Variants in NKAIN3 observed in about 807,000 individuals in gnomAD.
The protein encoded by NKAIN3 is sodium/potassium transporting ATPase interacting 3.
In NKAIN3, 25 loss-of-function variants were observed where a neutral mutation model predicts 30.2. That is an observed-to-expected ratio of 0.83 (90% CI 0.60 to 1.16). The LOEUF (loss-of-function observed/expected upper bound fraction) is 1.16, where lower values mean the gene tolerates loss of function less well. Among genes scored for constraint, NKAIN3 ranks in the 50% most tolerant of loss-of-function variants. The pLI is 0.00. For synonymous variants in NKAIN3, 91 were observed against 89.6 expected (o/e 1.02, Z -0.09); for missense variants, 225 against 254.1 (o/e 0.89, Z 0.78).
chr8:62,364,848 A>AAAAAAAAAAAAAC, intron 1 of NKAIN3, among the ~76,000 whole-genome samples: 1 of 151,198 alleles, frequency 6.6e-6, no homozygotes, highest in African/African-American at 2.4e-5. Context: ...AAAAAAAAAA[A>AAAAAAAAAAAAAC]AAATCATCTA....
At chr8:62,405,614 G>A (rs189399527) in intron 1 of NKAIN3, among the ~76,000 whole-genome samples, 17 of 152,148 alleles carry the variant, frequency 1.1e-4, no homozygotes, top group Non-Finnish European at 1.5e-4. Context: ...TTCTCCATGC[G>A]GCAGTGCTGC....
At chr8:62,256,176 A>G (rs4738948) in intron 1 of NKAIN3, among the ~76,000 whole-genome samples, 100,988 of 151,820 alleles carry the variant, frequency 0.67, 33,839 homozygotes, top group African/African-American at 0.74. Flanking sequence ...ACTGTGGGAG[A>G]CTGAGGGGGG....
intron 3 of NKAIN3, among the ~76,000 whole-genome samples, chr8:62,727,049 T>TA (rs899550091): frequency 1.3e-5 from 2 of 152,056 alleles, no homozygotes; most frequent in African/African-American, 4.8e-5. Context: ...GATTTAGTGT[T>TA]AAAAAATCAA....
chr8:62,827,393 A>G (rs1402076823), intron 4 of NKAIN3, among the ~76,000 whole-genome samples: 3 of 152,226 alleles, frequency 2.0e-5, no homozygotes, highest in Admixed American at 2.0e-4. Context: ...GGTTAAACCG[A>G]GCAGTGTTAC....
chr8:62,580,488 T>C (rs150660944), intron 2 of NKAIN3, among the ~76,000 whole-genome samples: 1 of 152,296 alleles, frequency 6.6e-6, no homozygotes, highest in East Asian at 1.9e-4. Context: ...CAGTGTTCAG[T>C]AGAATTACTA....
intron 1 of NKAIN3, among the ~76,000 whole-genome samples, chr8:62,458,233 C>T (rs996111155): frequency 2.6e-5 from 4 of 152,132 alleles, no homozygotes; most frequent in Non-Finnish European, 5.9e-5. Flanking sequence ...TCATTGCTTA[C>T]TCCTAGAGCC....
intron 1 of NKAIN3, among the ~76,000 whole-genome samples, chr8:62,290,540 G>T (rs879179918): frequency 6.6e-6 from 1 of 152,206 alleles, no homozygotes; most frequent in South Asian, 2.1e-4. Flanking sequence ...GCTGGATTAC[G>T]TTTATTGATT....
chr8:62,446,548 T>G (rs532679054), intron 1 of NKAIN3, among the ~76,000 whole-genome samples: 206 of 152,180 alleles, frequency 1.4e-3, no homozygotes, highest in Middle Eastern at 3.4e-3. Context: ...TGTTCCATCA[T>G]TGTCTCTAAC....
At chr8:62,832,237 A>G (rs1819217749) in intron 4 of NKAIN3, among the ~76,000 whole-genome samples, 1 of 150,338 alleles carries the variant, frequency 6.7e-6, no homozygotes, top group Non-Finnish European at 1.5e-5. Flanking sequence ...ACAAAAGAAC[A>G]ATACCTGGTA....
chr8:62,882,781 T>G (rs1821025805), intron 4 of NKAIN3, among the ~76,000 whole-genome samples: 1 of 152,198 alleles, frequency 6.6e-6, no homozygotes, highest in Non-Finnish European at 1.5e-5. Context: ...GATGTCCTAT[T>G]TTTCCAGGAT....
At chr8:62,868,734 C>A (rs1199081472) in intron 4 of NKAIN3, among the ~76,000 whole-genome samples, 3 of 152,168 alleles carry the variant, frequency 2.0e-5, no homozygotes, top group African/African-American at 7.2e-5. Flanking sequence ...CGTTTATAAA[C>A]CCTGATAAGC....
intron 1 of NKAIN3, among the ~76,000 whole-genome samples, chr8:62,533,312 A>G (rs1476714963): frequency 6.6e-6 from 1 of 152,240 alleles, no homozygotes; most frequent in African/African-American, 2.4e-5. Flanking sequence ...AGCTATTAAC[A>G]GTCGATACCT....
intron 3 of NKAIN3, among the ~76,000 whole-genome samples, chr8:62,687,116 T>G (rs1329717669): frequency 3.3e-5 from 5 of 152,172 alleles, no homozygotes; most frequent in Non-Finnish European, 7.4e-5. Context: ...TTACATAAAT[T>G]TTCTAATTAT....
intron 3 of NKAIN3, among the ~76,000 whole-genome samples, chr8:62,612,454 A>G (rs1360508403): frequency 6.6e-6 from 1 of 151,028 alleles, no homozygotes; most frequent in African/African-American, 2.4e-5. Flanking sequence ...TTTGGTTTCC[A>G]TTGGCATGGA....
chr8:62,658,791 C>T (rs185236730), intron 3 of NKAIN3, among the ~76,000 whole-genome samples: 278 of 152,258 alleles, frequency 1.8e-3, no homozygotes, highest in African/African-American at 6.5e-3. Context: ...AAGTATTACT[C>T]CTTTCTCTTC....
At chr8:62,765,116 G>A (rs928607535) in intron 4 of NKAIN3, among the ~76,000 whole-genome samples, 1 of 151,828 alleles carries the variant, frequency 6.6e-6, no homozygotes, top group Non-Finnish European at 1.5e-5. Context: ...ATGTGGTGGT[G>A]TGTGCCTGTA....
chr8:62,369,165 G>A (rs1816830094), intron 1 of NKAIN3, among the ~76,000 whole-genome samples: 1 of 151,942 alleles, frequency 6.6e-6, no homozygotes, highest in Admixed American at 6.6e-5. Flanking sequence ...TATAAATAAG[G>A]CTGCCCTAAA....
intron 4 of NKAIN3, among the ~76,000 whole-genome samples, chr8:62,787,772 A>G (rs1251646559): frequency 6.6e-6 from 1 of 151,958 alleles, no homozygotes; most frequent in Non-Finnish European, 1.5e-5. Flanking sequence ...GAGTGAGAAC[A>G]TGTGGTGTTT....
intron 1 of NKAIN3, among the ~76,000 whole-genome samples, chr8:62,274,724 T>C (rs1016794549): frequency 6.6e-6 from 1 of 152,012 alleles, no homozygotes; most frequent in South Asian, 2.1e-4. Context: ...TAGGTTTATC[T>C]CCTAATGCTA....
Sources: gnomAD v4.1 joint callset for allele counts (sites outside exome capture counted in the v4.1 genomes callset) on GRCh38, gnomAD v4.1.1 for gene constraint, MANE v1.5 for transcripts, NCBI Gene and HGNC (gene_info 2026-07-23, HGNC 2026-07-21) for gene names.